Variants in CDH4 observed in about 807,000 individuals in gnomAD.
CDH4 encodes cadherin 4, also known as cadherin-4.
CDH4 carries 33 observed loss-of-function variants against 86.0 expected under a neutral mutation model. The ratio of observed to expected loss-of-function variants is 0.38; its 90% CI spans 0.29 to 0.51. The LOEUF is 0.51. CDH4 is among the 20% of genes least tolerant of loss of function. The pLI is 0.86. For missense variants in CDH4, 1,114 were observed against 1,307.4 expected (o/e 0.85, Z 2.28); for synonymous variants, 555 against 549.4 (o/e 1.01, Z -0.14).
intron 7 of CDH4, among the ~76,000 whole-genome samples, chr20:61,894,153 G>A (rs1349671884): frequency 6.6e-6 from 1 of 152,144 alleles, no homozygotes; most frequent in Non-Finnish European, 1.5e-5. Flanking sequence ...GTCCTCAGCT[G>A]TCACCTCAGA....
At chr20:61,757,247 C>A (rs2088576651) in intron 3 of CDH4, among the ~76,000 whole-genome samples, 1 of 152,180 alleles carries the variant, frequency 6.6e-6, no homozygotes, top group Non-Finnish European at 1.5e-5. Flanking sequence ...CCCCCCCAGC[C>A]CCCTCCAGGG....
At position 61,742,128 on chromosome 20, in the gene CDH4, CA is replaced by C. The variant is rs11392988; in HGVS notation, c.170-1423del. Reference sequence around the variant, plus strand: ...GCAGTTTGGAATTTTCCTGTCACTTCAAAAAAAAAAAATGTAATGATTCCGT... The same window carrying C: ...GCAGTTTGGAATTTTCCTGTCACTTCAAAAAAAAAAATGTAATGATTCCGT... On this transcript the variant is annotated intron_variant, in intron 2 of 15. Coordinates refer to ENST00000614565, the MANE Select transcript of CDH4 (RefSeq NM_001794.5). Among the ~76,000 whole-genome samples, 551 of 139,914 alleles carry C rather than the reference CA, an allele frequency of 3.9e-3. 6 individuals are homozygous for C. The highest frequency in any genetic ancestry group is 4.8e-3 in the East Asian group (24 of 4,992). The allele number at this position is 139,914 out of a possible 152,430, so 91.8% of individuals were successfully genotyped here.
chr20:61,816,245 A>C lies in CDH4; in HGVS notation c.577-28423A>C, dbSNP rs149692718. Among the ~76,000 whole-genome samples the C allele has an allele frequency of 6.5e-3, 983 of 152,212 alleles. 7 individuals are homozygous for C. Among genetic ancestry groups the C allele is most frequent in the African/African-American group, 0.022 (914 of 41,540 alleles). On this transcript the variant is annotated intron_variant, in intron 4 of 15. Coordinates refer to ENST00000614565, the MANE Select transcript of CDH4 (RefSeq NM_001794.5). ...CTTTCATCATCATTTGCCTAATAAT[A>C]TTTCCCCTCTGTGATGTTCACAGAG...
chr20:61,583,338 G>A (rs1186879359), intron 2 of CDH4, among the ~76,000 whole-genome samples: 3 of 151,944 alleles, frequency 2.0e-5, no homozygotes, highest in Non-Finnish European at 2.9e-5. Context: ...GGACGCAAGA[G>A]GTGGCCAGGT....
At chr20:61,351,463 C>T (rs1235818758) in intron 2 of CDH4, among the ~76,000 whole-genome samples, 1 of 152,110 alleles carries the variant, frequency 6.6e-6, no homozygotes, top group African/African-American at 2.4e-5. Context: ...CCCACTGATA[C>T]CAAGGGACAG....
rs576737647 is a variant in CDH4, at chr20:61,835,639, G to A, written c.577-9029G>A. Among the ~76,000 whole-genome samples the A allele has an allele frequency of 2.7e-3, 404 of 152,352 alleles. 2 individuals are homozygous for A. The highest frequency in any genetic ancestry group is 8.9e-3 in the African/African-American group (369 of 41,584). ...CATACACCAGGGCTTCCCGTGGGGTGAGGCTGAAATGACCCAGGCTGAGAC... is the reference window on the plus strand; with the variant it reads ...CATACACCAGGGCTTCCCGTGGGGTAAGGCTGAAATGACCCAGGCTGAGAC... On this transcript the variant is annotated intron_variant, in intron 4 of 15. Transcript: ENST00000614565.
rs2054958415 is a variant in CDH4 at position 61,920,143 on chromosome 20, T to A, written c.1375-3308T>A. ...TCACGGTGATTGCGTGGAAGCGTGG[T>A]TTTGTGATTGCATGGAAGCATGGCG... is the stretch of plus-strand genomic sequence containing the variant. On this transcript the variant is annotated intron_variant, in intron 9 of 15. Coordinates refer to ENST00000614565, the MANE Select transcript of CDH4 (RefSeq NM_001794.5). 6.1e-5 allele frequency among the ~76,000 whole-genome samples: 2 copies of A among 32,634 alleles called. 1 individual carries two copies. The highest frequency in any genetic ancestry group is 1.3e-4 in the Non-Finnish European group (2 of 15,788). The allele number at this position is 32,634 out of a possible 152,430, so 21.4% of individuals were successfully genotyped here.
At chr20:61,495,489 G>A (rs1002922046) in intron 2 of CDH4, among the ~76,000 whole-genome samples, 10 of 152,232 alleles carry the variant, frequency 6.6e-5, no homozygotes, top group Admixed American at 3.9e-4. Context: ...CTGCCCAGCA[G>A]GGGAGGAGGC....
At chr20:61,530,943 C>G (rs1207879753) in intron 2 of CDH4, among the ~76,000 whole-genome samples, 1 of 152,174 alleles carries the variant, frequency 6.6e-6, no homozygotes, top group Non-Finnish European at 1.5e-5. Context: ...CCCTGGCTGT[C>G]AGGACAACTA....
chr20:61,796,108 G>T (rs148680870), intron 4 of CDH4, among the ~76,000 whole-genome samples: 10 of 152,130 alleles, frequency 6.6e-5, no homozygotes, highest in Non-Finnish European at 1.2e-4. Flanking sequence ...CTCCCGGACC[G>T]CTGCCTCCTC....
At chr20:61,884,831 G>T (rs1379535655) in intron 7 of CDH4, among the ~76,000 whole-genome samples, 1 of 152,204 alleles carries the variant, frequency 6.6e-6, no homozygotes, top group Admixed American at 6.5e-5. Context: ...GAGCCCTGGG[G>T]TGGGGGCGGG....
intron 2 of CDH4, among the ~76,000 whole-genome samples, chr20:61,471,290 A>G (rs1255685817): frequency 1.3e-5 from 2 of 152,100 alleles, no homozygotes; most frequent in Non-Finnish European, 1.5e-5. Flanking sequence ...CCTTTCCTCT[A>G]TATTTTCCAA....
In CDH4 at chr20:61,773,290, G is replaced by A. The variant is rs2088800002; in HGVS notation, c.576+108G>A. 6.2e-6 allele frequency: 7 copies of A among 1,123,048 alleles called. 1 individual carries two copies. In the South Asian group the frequency reaches 1.2e-4, roughly 19 times the overall value. 69.6% of individuals were successfully genotyped at this position (1,123,048 alleles called of 1,614,324 possible). A position where few individuals can be genotyped will look rare whatever the true frequency, so the allele number is the denominator to read the frequency against. On this transcript the variant is annotated intron_variant, in intron 4 of 15. Transcript: ENST00000614565. ...GGTTCCGCGTTTGGTGTCTGAGAAG[G>A]TCGCGATTTCACCCTTTCTGTAATG...
In CDH4 at chr20:61,788,215, G is replaced by A. The variant is rs763038913; in HGVS notation, c.576+15033G>A. 1.3e-5 allele frequency among the ~76,000 whole-genome samples: 2 copies of A among 152,188 alleles called. 1 individual carries two copies. The highest frequency in any genetic ancestry group is 4.1e-4 in the South Asian group (2 of 4,828). On this transcript the variant is annotated intron_variant, in intron 4 of 15. Coordinates refer to ENST00000614565, the MANE Select transcript of CDH4 (RefSeq NM_001794.5). ...AGACTGGACATCTGTGACCCTTGAG[G>A]AATGAGAGGCTCTCTTTGATTCTAC...
At chr20:61,667,066 C>G (rs1048115458) in intron 2 of CDH4, among the ~76,000 whole-genome samples, 2 of 152,268 alleles carry the variant, frequency 1.3e-5, no homozygotes, top group African/African-American at 4.8e-5. Flanking sequence ...ACGCCACCAT[C>G]TCATAAGCTG....
intron 2 of CDH4, among the ~76,000 whole-genome samples, chr20:61,575,547 A>G (rs1267226027): frequency 2.0e-5 from 3 of 152,246 alleles, no homozygotes; most frequent in African/African-American, 7.2e-5. Context: ...AGAAAAGGCA[A>G]TGGAGAGAAG....
At chr20:61,367,723 G>A (rs547650011) in intron 2 of CDH4, among the ~76,000 whole-genome samples, 109 of 152,246 alleles carry the variant, frequency 7.2e-4, no homozygotes, top group African/African-American at 2.4e-3. Context: ...ATCATGGAAT[G>A]AGAAAATCAC....
At position 61,844,719 on chromosome 20, in the gene CDH4, G is replaced by A. The variant is rs367651785; in HGVS notation, c.628G>A (p.Val210Met). ...DIPIRYSITG[V>M]GADQPPMEVF... ...CCCCATCCGGTACAGCATCACGGGA[G>A]TGGGCGCCGACCAGCCCCCCATGGA... The change falls in exon 5 of 16, where the codon GTG (valine) becomes ATG (methionine). Residue 210 changes from valine (V) to methionine (M), a missense_variant. By Grantham distance (21) the Val-to-Met change is conservative (BLOSUM62 1). Coordinates refer to ENST00000614565, the MANE Select transcript of CDH4 (RefSeq NM_001794.5). The A allele has an allele frequency of 1.1e-4, 171 of 1,613,894 alleles. No homozygotes were observed. The highest frequency in any genetic ancestry group is 9.2e-5 in the Non-Finnish European group (109 of 1,179,924).
At chr20:61,837,764 C>T (rs1055429072) in intron 4 of CDH4, among the ~76,000 whole-genome samples, 1 of 151,974 alleles carries the variant, frequency 6.6e-6, no homozygotes, top group African/African-American at 2.4e-5. Context: ...ACAGAGCACC[C>T]CCCCCGTGGG....
Sources: gnomAD v4.1 joint callset for allele counts (sites outside exome capture counted in the v4.1 genomes callset) on GRCh38, gnomAD v4.1.1 for gene constraint, MANE v1.5 for transcripts, NCBI Gene and HGNC (gene_info 2026-07-23, HGNC 2026-07-21) for gene names.